The following ADAP1 variants were observed in gnomAD, a reference collection of about 807,000 sequenced individuals.
ADAP1 encodes ArfGAP with dual PH domains 1, also known as arf-GAP with dual PH domain-containing protein 1.
Under a neutral mutation model 54.9 loss-of-function variants are expected in ADAP1, and 31 were observed. The ratio of observed to expected loss-of-function variants is 0.56; its 90% confidence interval spans 0.42 to 0.76. ADAP1 has a LOEUF of 0.76. ADAP1 is among the 30% of genes least tolerant of loss of function. ADAP1 has a pLI of 0.00. For missense variants in ADAP1, 535 were observed against 512.4 expected (o/e 1.04, Z -0.42); for synonymous variants, 313 against 202.6 (o/e 1.55, Z -4.63).
At chr7:930,413 C>T (rs565174854) in intron 2 of ADAP1, among the ~76,000 whole-genome samples, 421 of 18,504 alleles carry the variant, frequency 0.023, 1 homozygote, top group South Asian at 0.04. Flanking sequence ...CGCGGTGGCT[C>T]ACACCTGTAA....
intron 6 of ADAP1, among the ~76,000 whole-genome samples, chr7:902,458 CA>C (rs758277562): frequency 5.1e-4 from 34 of 66,504 alleles, no homozygotes; most frequent in South Asian, 1.1e-3. Flanking sequence ...AACTCTGCCT[CA>C]AAAAAAAAAA....
chr7:914,387 G>C (rs1845845835), intron 4 of ADAP1, among the ~76,000 whole-genome samples: 1 of 152,216 alleles, frequency 6.6e-6, no homozygotes, highest in Non-Finnish European at 1.5e-5. Context: ...CAAAGCCAGG[G>C]AGCAGGGCAG....
intron 1 of ADAP1, 49 bp from the exon 2 acceptor site, chr7:935,554 G>A (rs1184764765): frequency 6.5e-7 from 1 of 1,547,418 alleles, no homozygotes; most frequent in South Asian, 1.2e-5. Flanking sequence ...AGGGACCCCG[G>A]AGGGAGGGTG....
chr7:905,282 GGACGGGGGACACGGACAGGGGGA>G (rs1845064933), intron 4 of ADAP1, 110 bp from the exon 5 acceptor site: 1 of 386,492 alleles, frequency 2.6e-6, no homozygotes, highest in Non-Finnish European at 4.3e-6. Flanking sequence ...CGGGGGACAC[GGACGGGGGACACGGACAGGGGGA>G]GACGGACGGG....
At chr7:911,430 C>T (rs867237807) in intron 4 of ADAP1, among the ~76,000 whole-genome samples, 198 of 152,314 alleles carry the variant, frequency 1.3e-3, no homozygotes, top group African/African-American at 4.5e-3. Flanking sequence ...AAGTCAGCCC[C>T]AGGGTACCCC....
chr7:903,693 G>A (rs1477352841), intron 6 of ADAP1, among the ~76,000 whole-genome samples: 1 of 151,972 alleles, frequency 6.6e-6, no homozygotes, highest in African/African-American at 2.4e-5. Context: ...GCAGCCAAAG[G>A]AACCCTACCC....
At chr7:919,152 C>T (rs1846057583) in intron 4 of ADAP1, among the ~76,000 whole-genome samples, 1 of 152,222 alleles carries the variant, frequency 6.6e-6, no homozygotes, top group African/African-American at 2.4e-5. Flanking sequence ...CCAAGGGCAC[C>T]CAGGCAGGCC....
intron 1 of ADAP1, among the ~76,000 whole-genome samples, chr7:953,295 C>A (rs1222651063): frequency 6.6e-6 from 1 of 152,362 alleles, no homozygotes; most frequent in East Asian, 1.9e-4. Flanking sequence ...CGCTATCTCC[C>A]CTCTGGGACA....
intron 4 of ADAP1, among the ~76,000 whole-genome samples, chr7:910,410 C>A (rs186684888): frequency 1.3e-5 from 2 of 152,244 alleles, no homozygotes; most frequent in Admixed American, 1.3e-4. Context: ...CCACCACACC[C>A]GGCTAAGTTC....
rs1562915059 is a variant in ADAP1 at position 906,671 on chromosome 7, ACATG to A, written c.389-1503_389-1500del. On this transcript the variant is annotated intron_variant, in intron 4 of 10. Coordinates refer to ENST00000265846, the MANE Select transcript of ADAP1 (RefSeq NM_006869.4). ...AAGGAGAAAGGGGGCGGGAAAGGGGACATGGACAGGGGACACGGGGGACATGGAC... is the reference window on the plus strand; with the variant it reads ...AAGGAGAAAGGGGGCGGGAAAGGGGAGACAGGGGACACGGGGGACATGGAC... Among the ~76,000 whole-genome samples, 347 of 93,950 alleles carry A rather than the reference ACATG, an allele frequency of 3.7e-3. 23 individuals carry two copies. Among genetic ancestry groups the A allele is most frequent in the Middle Eastern group, 4.7e-3 (1 of 212 alleles). 61.6% of individuals were successfully genotyped at this position (93,950 alleles called of 152,430 possible).
chr7:940,019 A>T (rs1846899351), intron 1 of ADAP1, among the ~76,000 whole-genome samples: 1 of 152,106 alleles, frequency 6.6e-6, no homozygotes, highest in South Asian at 2.1e-4. Flanking sequence ...ACCTCTTGCA[A>T]CTGGCACAAG....
chr7:955,214 C>A, upstream of ADAP1: 1 of 1,299,062 alleles, frequency 7.7e-7, no homozygotes, highest in Non-Finnish European at 1.1e-6. Flanking sequence ...GCACCCCTCC[C>A]ACTCAGGCAG....
At chr7:912,220 C>T (rs543763646) in intron 4 of ADAP1, among the ~76,000 whole-genome samples, 5 of 152,268 alleles carry the variant, frequency 3.3e-5, no homozygotes, top group South Asian at 2.1e-4. Flanking sequence ...GCACGGGGTC[C>T]GGAGCCTAGA....
chr7:919,594 G>A (rs1455063127), intron 4 of ADAP1, among the ~76,000 whole-genome samples: 2 of 145,272 alleles, frequency 1.4e-5, no homozygotes, highest in Non-Finnish European at 3.0e-5. Flanking sequence ...TGAAGAGAGA[G>A]GAAGAGAGAC....
chr7:910,175 C>T (rs931976399), intron 4 of ADAP1, among the ~76,000 whole-genome samples: 6 of 152,232 alleles, frequency 3.9e-5, no homozygotes, highest in Non-Finnish European at 8.8e-5. Context: ...GTTTCTTCCA[C>T]CACAGTGAAG....
At chr7:944,280 A>T (rs1285461852) in intron 1 of ADAP1, among the ~76,000 whole-genome samples, 1 of 130,526 alleles carries the variant, frequency 7.7e-6, no homozygotes, top group African/African-American at 3.3e-5. Flanking sequence ...TTTGAGACAG[A>T]GTCTCACTCT....
chr7:951,440 C>T (rs1847269968), intron 1 of ADAP1, among the ~76,000 whole-genome samples: 1 of 151,998 alleles, frequency 6.6e-6, no homozygotes, highest in South Asian at 2.1e-4. Context: ...TCTGCCCAGC[C>T]CCCGCCCACA....
At chr7:952,520 C>T (rs969200678) in intron 1 of ADAP1, among the ~76,000 whole-genome samples, 1 of 152,168 alleles carries the variant, frequency 6.6e-6, no homozygotes, top group African/African-American at 2.4e-5. Flanking sequence ...AAGCATAGAG[C>T]CCTCGAGGAT....
intron 2 of ADAP1, among the ~76,000 whole-genome samples, chr7:930,840 G>C (rs562813964): frequency 2.6e-4 from 40 of 151,618 alleles, no homozygotes; most frequent in African/African-American, 9.7e-4. Flanking sequence ...AGCCAGGCAC[G>C]GTGGTGTATG....
Sources: allele counts gnomAD v4.1 joint callset (sites outside exome capture counted in the v4.1 genomes callset), GRCh38; gene constraint gnomAD v4.1.1; transcripts MANE v1.5; gene names NCBI Gene and HGNC (gene_info 2026-07-23, HGNC 2026-07-21).